The following CCZ1B variants were observed in gnomAD, a reference collection of about 807,000 sequenced individuals.
CCZ1B encodes the protein vacuolar fusion protein CCZ1 homolog B.
CCZ1B carries 25 observed loss-of-function variants against 58.8 expected under a neutral mutation model. The ratio of observed to expected loss-of-function variants is 0.43; its 90% CI spans 0.31 to 0.59. The LOEUF is 0.59. Ranked by LOEUF, CCZ1B falls within the 20% of genes least tolerant of loss-of-function variation. The probability of loss-of-function intolerance (pLI) is 0.12; values close to 1 mark genes in which losing one functional copy is unlikely to be tolerated. For missense variants in CCZ1B, 180 were observed against 501.5 expected, an observed-to-expected ratio of 0.36 and a Z score of 6.12; for synonymous variants, 66 against 173.2, an observed-to-expected ratio of 0.38 and a Z score of 4.86.
chr7:6,810,251 G>T (rs912845715), intron 10 of CCZ1B, among the ~76,000 whole-genome samples: 1 of 149,236 alleles, frequency 6.7e-6, no homozygotes, highest in Non-Finnish European at 1.5e-5. Context: ...GACCTCAGGT[G>T]ATCCGCCCAC....
intron 7 of CCZ1B, among the ~76,000 whole-genome samples, chr7:6,817,797 G>T (rs1783030439): frequency 6.7e-6 from 1 of 149,570 alleles, no homozygotes; most frequent in African/African-American, 2.5e-5. Flanking sequence ...CGGATCCTTT[G>T]AGGTCAGGAG....
chr7:6,825,765 C>G (rs1190809490), intron 1 of CCZ1B, among the ~76,000 whole-genome samples: 1 of 123,242 alleles, frequency 8.1e-6, no homozygotes, highest in African/African-American at 3.2e-5. Flanking sequence ...CCTGGTTCCA[C>G]GCTTCTAGTT....
In CCZ1B at chr7:6,823,881, G is replaced by A. The variant is rs185921340; in HGVS notation, c.390+208C>T. The A allele has an allele frequency of 2.5e-5, 25 of 981,966 alleles. No individual in the cohort carries two copies. The East Asian group carries it at 3.0e-4, about 12-fold the overall frequency. The allele number at this position is 981,966 out of a possible 1,614,324, so 60.8% of individuals were successfully genotyped here. Reference sequence around the variant, plus strand: ...TTACTTTAGGAGGGCTTTCAATATAGATGAAGAGTAGAAGGTATTAGTGAG... The same window carrying A: ...TTACTTTAGGAGGGCTTTCAATATAAATGAAGAGTAGAAGGTATTAGTGAG... On this transcript the variant is annotated intron_variant, in intron 4 of 14. Coordinates refer to ENST00000316731, the MANE Select transcript of CCZ1B (RefSeq NM_198097.5).
chr7:6,804,513 A>G (rs1782808590), intron 12 of CCZ1B, among the ~76,000 whole-genome samples: 1 of 110,608 alleles, frequency 9.0e-6, no homozygotes, highest in Non-Finnish European at 1.8e-5. Flanking sequence ...CTCAGTGTAG[A>G]CACTTCAGGC....
chr7:6,820,285 T>C (rs1266232456), intron 6 of CCZ1B, among the ~76,000 whole-genome samples: 2 of 149,394 alleles, frequency 1.3e-5, no homozygotes, highest in African/African-American at 2.5e-5. Context: ...TTCACACCAT[T>C]CTCCTGCCTC....
At chr7:6,818,689 GAA>G (rs1318999352) in intron 7 of CCZ1B, among the ~76,000 whole-genome samples, 1 of 74,034 alleles carries the variant, frequency 1.4e-5, no homozygotes. Context: ...AAGAAAGAAA[GAA>G]AGACAAGAAA....
At chr7:6,821,756 G>A (rs1783114707) in intron 6 of CCZ1B, among the ~76,000 whole-genome samples, 1 of 151,138 alleles carries the variant, frequency 6.6e-6, no homozygotes, top group South Asian at 2.1e-4. Context: ...GCTTGACAAG[G>A]TAGGGTGAAA....
intron 3 of CCZ1B, 49 bp from the exon 4 acceptor site, chr7:6,824,215 G>C: frequency 1.3e-6 from 2 of 1,509,586 alleles, no homozygotes; most frequent in Non-Finnish European, 1.8e-6. Context: ...ATTAGACCAT[G>C]TTTATTTTGC....
In CCZ1B at chr7:6,820,481, A is replaced by AT. The variant is rs1373094438; in HGVS notation, c.523-541dup. On this transcript the variant is annotated intron_variant, in intron 6 of 14. Transcript: ENST00000316731. ...TGTGAGCCACCACGCCTGGCCAAAA[A>AT]TTTTTTTTTTTTTTTGGTATAGACA... Among the ~76,000 whole-genome samples, 104 of 142,040 alleles carry AT rather than the reference A, an allele frequency of 7.3e-4. 5 individuals carry two copies. The highest frequency in any genetic ancestry group is 4.2e-3 in the South Asian group (19 of 4,520). 93.2% of individuals were successfully genotyped at this position (142,040 alleles called of 152,430 possible).
At position 6,820,213 on chromosome 7, in the gene CCZ1B, C is replaced by G. The variant is rs1009273877; in HGVS notation, c.523-272G>C. Among the ~76,000 whole-genome samples, 8 of 149,450 alleles carry G rather than the reference C, an allele frequency of 5.4e-5. 1 individual carries two copies. The highest frequency in any genetic ancestry group is 1.8e-4 in the African/African-American group (7 of 39,716). ...TATTTTTTTGTGACAGAGTCTTGCT[C>G]TGTCATCCAGGCTGGAGTGCAGTGG... On this transcript the variant is annotated intron_variant, in intron 6 of 14. Transcript: ENST00000316731.
intron 8 of CCZ1B, among the ~76,000 whole-genome samples, chr7:6,814,347 C>T (rs1040504687): frequency 1.0e-4 from 15 of 149,152 alleles, no homozygotes; most frequent in East Asian, 3.9e-4. Context: ...CCAGCCTGGC[C>T]AACATAGTGA....
chr7:6,809,647 A>C (rs1782888752), intron 10 of CCZ1B, among the ~76,000 whole-genome samples: 1 of 119,594 alleles, frequency 8.4e-6, no homozygotes. Context: ...TTCAGACCAC[A>C]TCTTTCTGTA....
intron 5 of CCZ1B, 169 bp from the exon 6 acceptor site, chr7:6,822,533 C>T (rs1583557800): frequency 8.0e-7 from 1 of 1,251,960 alleles, no homozygotes; most frequent in East Asian, 2.7e-5. Context: ...ATGTAAGTTA[C>T]AAAAAATACT....
At chr7:6,809,952 G>T (rs1274850281) in intron 10 of CCZ1B, among the ~76,000 whole-genome samples, 2 of 146,754 alleles carry the variant, frequency 1.4e-5, no homozygotes, top group Admixed American at 7.0e-5. Context: ...ATGACCCTGT[G>T]TAACACCCTC....
At chr7:6,823,920 A>G (rs1783155108) in intron 4 of CCZ1B, 169 bp downstream of exon 4, 1 of 922,324 alleles carries the variant, frequency 1.1e-6, no homozygotes, top group Non-Finnish European at 1.6e-6. Context: ...GGGTGCATAT[A>G]CATTTTAAAA....
At position 6,819,804 on chromosome 7, in the gene CCZ1B, G is replaced by A. The variant is rs774631552; in HGVS notation, c.660C>T (p.Val220=). Residue 220 remains valine, a synonymous_variant, in exon 7 of 15, where the codon GTC becomes GTT. Coordinates refer to ENST00000316731, the MANE Select transcript of CCZ1B (RefSeq NM_198097.5). ...INRMEESLNI[V]KYTAFLYNDQ... is the part of the protein sequence containing the mutation. ...CGTTATAGAGAAAAGCAGTGTATTT[G>A]ACTATATTCAGGCTTTCCTCCATTC... 7 of 1,556,384 alleles carry A rather than the reference G, an allele frequency of 4.5e-6. No individual in the cohort carries two copies. In the South Asian group the frequency reaches 7.9e-5, roughly 18 times the overall value.
intron 14 of CCZ1B, among the ~76,000 whole-genome samples, chr7:6,800,279 C>T (rs1166320722): frequency 1.4e-5 from 2 of 140,714 alleles, no homozygotes; most frequent in African/African-American, 2.7e-5. Context: ...CTCCTTCTGC[C>T]TGTGTACAGA....
intron 12 of CCZ1B, among the ~76,000 whole-genome samples, chr7:6,804,075 G>C (rs576568788): frequency 4.6e-5 from 7 of 150,722 alleles, no homozygotes; most frequent in Non-Finnish European, 8.8e-5. Flanking sequence ...CTTCAACTTC[G>C]CAAAGTGCTT....
rs1235717166 is a variant in CCZ1B at position 6,813,642 on chromosome 7, A to G, written c.781-605T>C. Among the ~76,000 whole-genome samples the G allele has an allele frequency of 2.0e-5, 3 of 149,576 alleles. 1 individual carries two copies. Among genetic ancestry groups the G allele is most frequent in the Non-Finnish European group, 4.4e-5 (3 of 67,728 alleles). ...GAGCCAAAATGATTTTTGTGTGTTA[A>G]GCTCTGAAAATACTTTGGGGAGAAC... On this transcript the variant is annotated intron_variant, in intron 8 of 14. Transcript: ENST00000316731.
Sources: allele counts gnomAD v4.1 joint callset (sites outside exome capture counted in the v4.1 genomes callset), GRCh38; gene constraint gnomAD v4.1.1; transcripts MANE v1.5; gene names NCBI Gene and HGNC (gene_info 2026-07-23, HGNC 2026-07-21).